RNF17: variants seen among roughly 807,000 people sequenced by gnomAD.
RNF17 encodes spermatogenesis associated 23.
A neutral mutation model predicts 200.5 loss-of-function variants in RNF17; 31 were observed. The observed-to-expected ratio is 0.15, with a 90% confidence interval of 0.12 to 0.21. The LOEUF is 0.21. RNF17 is among the 10% of genes least tolerant of loss of function. RNF17 has a pLI of 1.00. For synonymous variants in RNF17, 606 were observed against 637.8 expected, an observed-to-expected ratio of 0.95 and a Z score of 0.75; for missense variants, 1,628 against 1,905.1, an observed-to-expected ratio of 0.85 and a Z score of 2.71.
chr13:24,792,847 A>G (rs1468665116), intron 9 of RNF17, among the ~76,000 whole-genome samples, 195 bp from the exon 10 acceptor site: 1 of 152,278 alleles, frequency 6.6e-6, no homozygotes, highest in South Asian at 2.1e-4. Context: ...TAGCCTAAAA[A>G]CTGTCTGGAT....
At chr13:24,762,776 C>T (rs919472339), upstream of RNF17, among the ~76,000 whole-genome samples, 2 of 152,164 alleles carry the variant, frequency 1.3e-5, no homozygotes, top group South Asian at 2.1e-4. Context: ...GTTTGAAATA[C>T]ACCTGCCACC....
At chr13:24,852,389 T>C (rs563712224) in intron 24 of RNF17, among the ~76,000 whole-genome samples, 1,790 of 152,178 alleles carry the variant, frequency 0.012, 75 homozygotes, top group Admixed American at 0.081. Flanking sequence ...CTGCCCGCCT[T>C]GGCCTCCCAA....
At chr13:24,870,087 G>A (rs1039370195) in intron 31 of RNF17, among the ~76,000 whole-genome samples, 6 of 151,390 alleles carry the variant, frequency 4.0e-5, no homozygotes, top group South Asian at 2.1e-4. Flanking sequence ...GACTACAGGC[G>A]GCTGCCACCA....
intron 19 of RNF17, 38 bp from the exon 20 acceptor site, chr13:24,843,706 G>T (rs753789493): frequency 3.3e-6 from 4 of 1,202,232 alleles, no homozygotes; most frequent in Middle Eastern, 3.8e-4. Flanking sequence ...CAAATATTTT[G>T]CATACAGTTC....
chr13:24,851,790 A>T (rs1891920993), intron 24 of RNF17, among the ~76,000 whole-genome samples: 1 of 152,148 alleles, frequency 6.6e-6, no homozygotes, highest in Non-Finnish European at 1.5e-5. Flanking sequence ...CTGTTTACTG[A>T]CATACTTGCT....
chr13:24,885,651 G>C, the RNF17 span: 1 of 1,612,558 alleles, frequency 6.2e-7, no homozygotes, highest in Non-Finnish European at 8.5e-7. Context: ...GTGCAGACTT[G>C]GATCTTCGAG....
In RNF17 at chr13:24,781,908, A is replaced by G; in HGVS notation, c.575A>G (p.Lys192Arg). 6.2e-7 allele frequency: 1 copy of G among 1,613,478 alleles called. No individual in the cohort carries two copies. The highest frequency in any genetic ancestry group is 2.2e-5 in the East Asian group (1 of 44,830). The change falls in exon 6 of 36, where the codon AAA (lysine) becomes AGA (arginine). Residue 192 changes from lysine (K) to arginine (R), a missense_variant. Lys to Arg is a conservative substitution (Grantham distance 26). Around this residue, in one of 5 missense-constraint regions of RNF17, gnomAD observed 502 missense variants for 501.7 expected, o/e 1.00. Coordinates refer to ENST00000255324, the MANE Select transcript of RNF17 (RefSeq NM_031277.3). ...GAAAGAGTTATAGAAGTTGTGGAGA[A>G]ACAGTTTGACCAACTTTTGGCTTTT... Reference protein sequence around the residue: ...ERERVIEVVEKQFDQLLAFFD... With the variant: ...ERERVIEVVERQFDQLLAFFD...
chr13:24,852,649 G>GCTCCC (rs1274940322), intron 24 of RNF17, among the ~76,000 whole-genome samples: 1 of 152,160 alleles, frequency 6.6e-6, no homozygotes, highest in Non-Finnish European at 1.5e-5. Context: ...CTAGATATGG[G>GCTCCC]AGATGTGGCC....
chr13:24,802,675 T>C, intron 14 of RNF17, 104 bp downstream of exon 14: 1 of 807,282 alleles, frequency 1.2e-6, no homozygotes, highest in Non-Finnish European at 1.9e-6. Context: ...AACCTTAACA[T>C]ACCTGAAGAA....
Position 24,830,555 on chromosome 13 carries a change from G to A in RNF17, c.2317G>A (p.Asp773Asn), listed in dbSNP as rs749913215. 6.2e-7 allele frequency: 1 copy of A among 1,611,786 alleles called. No individual in the cohort carries two copies. The highest frequency in any genetic ancestry group is 1.3e-5 in the African/African-American group (1 of 74,938). Residue 773 changes from aspartate (D) to asparagine (N), a missense_variant, in exon 17 of 36, where the codon GAC becomes AAC. Physicochemically the swap from Asp to Asn is conservative, Grantham distance 23. Around this residue, in one of 5 missense-constraint regions of RNF17, gnomAD observed 227 missense variants for 319.8 expected, o/e 0.71. Transcript: ENST00000255324. ...TAATACTGCAAAAATAACAATCAAA[G>A]ACGTGCGTAAAATAAAGGATGAGTT... Reference protein sequence around the residue: ...FGNTAKITIKDVRKIKDEFLN... With the variant: ...FGNTAKITIKNVRKIKDEFLN...
At chr13:24,809,738 G>T (rs1886361451) in intron 15 of RNF17, among the ~76,000 whole-genome samples, 1 of 152,146 alleles carries the variant, frequency 6.6e-6, no homozygotes, top group South Asian at 2.1e-4. Flanking sequence ...ATGTTAGGGT[G>T]TCAATTTTGG....
upstream of RNF17, among the ~76,000 whole-genome samples, chr13:24,763,896 C>G (rs1879128691): frequency 6.6e-6 from 1 of 152,218 alleles, no homozygotes; most frequent in African/African-American, 2.4e-5. Context: ...TATAAAGTCA[C>G]TCACAATGTA....
chr13:24,785,786 A>C (rs1269065325), intron 6 of RNF17, among the ~76,000 whole-genome samples: 1 of 152,182 alleles, frequency 6.6e-6, no homozygotes, highest in African/African-American at 2.4e-5. Flanking sequence ...ATATTGGTGC[A>C]TATATGCTTA....
At chr13:24,767,515 T>C in intron 2 of RNF17, 149 bp downstream of exon 2, 2 of 581,690 alleles carry the variant, frequency 3.4e-6, no homozygotes, top group South Asian at 2.0e-5. Context: ...TTTTGGAGGC[T>C]GAGGCGGGCA....
chr13:24,803,593 T>A (rs961318695), intron 14 of RNF17: 1 of 152,274 alleles, frequency 6.6e-6, no homozygotes, highest in Admixed American at 6.5e-5. Flanking sequence ...CTGTCCATCA[T>A]TTCTGATGAC....
At chr13:24,817,229 A>T (rs979047113) in intron 15 of RNF17, among the ~76,000 whole-genome samples, 34 of 152,096 alleles carry the variant, frequency 2.2e-4, no homozygotes, top group Admixed American at 1.3e-4. Flanking sequence ...TCAGCAGTGA[A>T]TCTATCTGGT....
Position 24,843,727 on chromosome 13 carries a change from C to G in RNF17, c.2604-17C>G. 6.8e-7 allele frequency: 1 copy of G among 1,466,192 alleles called. No homozygotes were observed. The highest frequency in any genetic ancestry group is 9.5e-7 in the Non-Finnish European group (1 of 1,049,136). 90.8% of individuals were successfully genotyped at this position (1,466,192 alleles called of 1,614,324 possible). A position where few individuals can be genotyped will look rare whatever the true frequency, so the allele number is the denominator to read the frequency against. On this transcript the variant is annotated splice_polypyrimidine_tract_variant and intron_variant, in intron 19 of 35. Coordinates refer to ENST00000255324, the MANE Select transcript of RNF17 (RefSeq NM_031277.3). Reference sequence around the variant, plus strand: ...TTTTGCATACAGTTCTTTTCATTAACTTTTGTTGTTTTTCAGATACATCCT... The same window carrying G: ...TTTTGCATACAGTTCTTTTCATTAAGTTTTGTTGTTTTTCAGATACATCCT...
At chr13:24,777,757 C>T (rs1046498566) in intron 3 of RNF17, among the ~76,000 whole-genome samples, 1 of 152,072 alleles carries the variant, frequency 6.6e-6, no homozygotes, top group Non-Finnish European at 1.5e-5. Context: ...AATTAAAACA[C>T]AATATATAAG....
the RNF17 span, among the ~76,000 whole-genome samples, chr13:24,888,361 AAC>A: frequency 7.9e-5 from 12 of 151,986 alleles, no homozygotes; most frequent in Non-Finnish European, 1.8e-4. Flanking sequence ...TATAAGGAGA[AAC>A]ACACACACAC....
Sources: gnomAD v4.1 joint callset for allele counts (sites outside exome capture counted in the v4.1 genomes callset) on GRCh38, gnomAD v4.1.1 for gene constraint, gnomAD v4.1.1 regional missense constraint, MANE v1.5 for transcripts, NCBI Gene and HGNC (gene_info 2026-07-23, HGNC 2026-07-21) for gene names.